The following RNF144B variants were observed in gnomAD, a reference collection of about 807,000 sequenced individuals.
RNF144B encodes ring finger protein 144B.
Under a neutral mutation model 40.2 loss-of-function variants are expected in RNF144B, and 25 were observed. That is an observed-to-expected ratio of 0.62 (90% CI 0.45 to 0.87). RNF144B has a LOEUF of 0.87. Ranked by LOEUF, RNF144B falls within the 40% of genes least tolerant of loss-of-function variation. RNF144B has a pLI of 0.00. For missense variants in RNF144B, 365 were observed against 373.7 expected (o/e 0.98, Z 0.19); for synonymous variants, 145 against 136.3 (o/e 1.06, Z -0.44).
chr6:18,415,154 T>C (rs116250239), intron 2 of RNF144B, among the ~76,000 whole-genome samples: 1 of 152,338 alleles, frequency 6.6e-6, no homozygotes, highest in East Asian at 1.9e-4. Flanking sequence ...TTTAAAAATA[T>C]ATTTTCTGTC....
intron 3 of RNF144B, among the ~76,000 whole-genome samples, chr6:18,431,515 A>T (rs374428879): frequency 6.6e-6 from 1 of 152,200 alleles, no homozygotes; most frequent in South Asian, 2.1e-4. Flanking sequence ...TAATCTATAT[A>T]TTACTGAGTA....
chr6:18,463,099 A>T (rs576955195), intron 6 of RNF144B, among the ~76,000 whole-genome samples, 192 bp from the exon 7 acceptor site: 2 of 151,944 alleles, frequency 1.3e-5, no homozygotes, highest in South Asian at 4.2e-4. Context: ...ATTCGTATTG[A>T]TTATGATCTG....
At position 18,457,427 on chromosome 6, in the gene RNF144B, G is replaced by A; in HGVS notation, c.536+68G>A. 8.5e-7 allele frequency: 1 copy of A among 1,174,374 alleles called. No individual in the cohort carries two copies. The allele number at this position is 1,174,374 out of a possible 1,614,324, so 72.7% of individuals were successfully genotyped here. A position where few individuals can be genotyped will look rare whatever the true frequency, so the allele number is the denominator to read the frequency against. Reference sequence around the variant, plus strand: ...CTTAGAAATTCAACATACCTTACGTGTAGAAGGAGTTACGTTGTGATGGCG... The same window carrying A: ...CTTAGAAATTCAACATACCTTACGTATAGAAGGAGTTACGTTGTGATGGCG... On this transcript the variant is annotated intron_variant, in intron 5 of 7. Transcript: ENST00000259939. This position sits in a 1 kb window ranked among gnomAD's most constrained non-coding sequence, Gnocchi z 5.1.
intron 4 of RNF144B, among the ~76,000 whole-genome samples, chr6:18,451,557 T>C (rs975313236): frequency 2.6e-5 from 4 of 152,170 alleles, no homozygotes; most frequent in African/African-American, 7.2e-5. Context: ...GCCTGACACA[T>C]AGAAGACAGA....
At chr6:18,454,388 C>T (rs1405020540) in intron 4 of RNF144B, among the ~76,000 whole-genome samples, 2 of 152,178 alleles carry the variant, frequency 1.3e-5, no homozygotes, top group Non-Finnish European at 2.9e-5. Flanking sequence ...AGACGCTCTA[C>T]AGAGTTGGCT....
rs1033658693 is a variant in RNF144B, at chr6:18,412,488, A to G, written c.165+12789A>G. Among the ~76,000 whole-genome samples the G allele has an allele frequency of 6.6e-6, 1 of 152,202 alleles. No homozygotes were observed. The highest frequency in any genetic ancestry group is 1.5e-5 in the Non-Finnish European group (1 of 68,034). On this transcript the variant is annotated intron_variant, in intron 2 of 7. Coordinates refer to ENST00000259939, the MANE Select transcript of RNF144B (RefSeq NM_182757.4). This position sits in a 1 kb window ranked among gnomAD's most constrained non-coding sequence, Gnocchi z 4.2. ...AAAAATGGGCCATATCTAGAAAAGT[A>G]TATTACACATAGAAGACATGAATGA... is the stretch of plus-strand genomic sequence containing the variant.
rs560087642 is a variant in RNF144B, at chr6:18,425,482, G to A, written c.166-2099G>A. Among the ~76,000 whole-genome samples, 13 of 152,222 alleles carry A rather than the reference G, an allele frequency of 8.5e-5. No individual in the cohort carries two copies. Among genetic ancestry groups the A allele is most frequent in the African/African-American group, 2.9e-4 (12 of 41,550 alleles). On this transcript the variant is annotated intron_variant, in intron 2 of 7. Transcript: ENST00000259939. This position sits in a 1 kb window ranked among gnomAD's most constrained non-coding sequence, Gnocchi z 4.2. Reference sequence around the variant, plus strand: ...TGAGCCGCCTTGACTGTTCCCCTGGGTGTTCGCCTGCCCATTGACATTCTT... The same window carrying A: ...TGAGCCGCCTTGACTGTTCCCCTGGATGTTCGCCTGCCCATTGACATTCTT...
chr6:18,463,202 T>C, intron 6 of RNF144B, 89 bp from the exon 7 acceptor site: 1 of 799,950 alleles, frequency 1.3e-6, no homozygotes. Context: ...AGAAAAACTT[T>C]GCCTTCCATT....
chr6:18,401,241 T>C (rs1039925133), intron 2 of RNF144B, among the ~76,000 whole-genome samples: 3 of 152,230 alleles, frequency 2.0e-5, no homozygotes, highest in Admixed American at 2.0e-4. Context: ...TTTCATCTTC[T>C]CAGGGAGCTA....
At chr6:18,445,609 G>A (rs888065279) in intron 4 of RNF144B, among the ~76,000 whole-genome samples, 1 of 152,110 alleles carries the variant, frequency 6.6e-6, no homozygotes, top group African/African-American at 2.4e-5. Flanking sequence ...ATGTAAATAT[G>A]TCAGAGTTAA....
intron 3 of RNF144B, among the ~76,000 whole-genome samples, chr6:18,429,183 G>A (rs1234168403): frequency 1.3e-5 from 2 of 152,096 alleles, no homozygotes; most frequent in African/African-American, 2.4e-5. Context: ...GGGCAATAGA[G>A]TGAGATTTCA....
chr6:18,423,206 G>A (rs1003856617), intron 2 of RNF144B, among the ~76,000 whole-genome samples: 7 of 152,146 alleles, frequency 4.6e-5, no homozygotes, highest in Non-Finnish European at 1.0e-4. Context: ...GCTTAGACAG[G>A]TGATATTGTC....
Position 18,464,137 on chromosome 6 carries a change from G to C in RNF144B, c.771+757G>C, listed in dbSNP as rs1009848608. ...CTTAGATCCCTGTGTACATGCCATT[G>C]TGTGTTTATGTGGCAGGTTCAAAAG... is the stretch of plus-strand genomic sequence containing the variant. On this transcript the variant is annotated intron_variant, in intron 7 of 7. Transcript: ENST00000259939. The surrounding 1 kb of genome is among the most constrained non-coding windows in gnomAD (Gnocchi z 6.1). Among the ~76,000 whole-genome samples, 4 of 152,160 alleles carry C rather than the reference G, an allele frequency of 2.6e-5. No homozygotes were observed. Among genetic ancestry groups the C allele is most frequent in the East Asian group, 1.9e-4 (1 of 5,198 alleles).
rs958923185 is a variant in RNF144B at position 18,398,204 on chromosome 6, T to C, written c.-36-1295T>C. ...CTTCTTTTTGTCTCTCAGAATTGACTACTCTAGGTACCTCATTTAAGTGGA... is the reference window on the plus strand; with the variant it reads ...CTTCTTTTTGTCTCTCAGAATTGACCACTCTAGGTACCTCATTTAAGTGGA... On this transcript the variant is annotated intron_variant, in intron 1 of 7. Coordinates refer to ENST00000259939, the MANE Select transcript of RNF144B (RefSeq NM_182757.4). This position sits in a 1 kb window ranked among gnomAD's most constrained non-coding sequence, Gnocchi z 5.0. 6.6e-6 allele frequency among the ~76,000 whole-genome samples: 1 copy of C among 152,184 alleles called. No homozygotes were observed. Among genetic ancestry groups the C allele is most frequent in the East Asian group, 1.9e-4 (1 of 5,190 alleles).
At chr6:18,407,978 C>CTT (rs869172320) in intron 2 of RNF144B, among the ~76,000 whole-genome samples, 1 of 82,966 alleles carries the variant, frequency 1.2e-5, no homozygotes, top group South Asian at 3.7e-4. Flanking sequence ...TTCTTTCTTT[C>CTT]TTTTTCTTTT....
At chr6:18,417,558 A>G (rs1449510987) in intron 2 of RNF144B, among the ~76,000 whole-genome samples, 2 of 152,212 alleles carry the variant, frequency 1.3e-5, no homozygotes, top group Admixed American at 1.3e-4. Context: ...GATCTTCCTC[A>G]TACCACAGAC....
rs1195408568 is a variant in RNF144B, at chr6:18,457,440, C to T, written c.536+81C>T. 2.9e-5 allele frequency: 31 copies of T among 1,056,252 alleles called. No individual in the cohort carries two copies. Among genetic ancestry groups the T allele is most frequent in the Middle Eastern group, 2.0e-4 (1 of 4,984 alleles). The allele number at this position is 1,056,252 out of a possible 1,614,324, so 65.4% of individuals were successfully genotyped here. A position where few individuals can be genotyped will look rare whatever the true frequency, so the allele number is the denominator to read the frequency against. On this transcript the variant is annotated intron_variant, in intron 5 of 7. Coordinates refer to ENST00000259939, the MANE Select transcript of RNF144B (RefSeq NM_182757.4). The surrounding 1 kb of genome is among the most constrained non-coding windows in gnomAD (Gnocchi z 5.1). ...CATACCTTACGTGTAGAAGGAGTTA[C>T]GTTGTGATGGCGTTTAGAGATTGGT...
In RNF144B at chr6:18,405,942, C is replaced by T; in HGVS notation, c.165+6243C>T. ...ATCATAGTCCTAGAATTGTAAGTGA[C>T]CTTAGATCTTCTAGTTCCCCCACCC... On this transcript the variant is annotated intron_variant, in intron 2 of 7. Transcript: ENST00000259939. The surrounding 1 kb of genome is among the most constrained non-coding windows in gnomAD (Gnocchi z 4.5). 2 of 476,072 alleles carry T rather than the reference C, an allele frequency of 4.2e-6. No individual in the cohort carries two copies. The highest frequency in any genetic ancestry group is 3.2e-5 in the South Asian group (2 of 63,294). The allele number at this position is 476,072 out of a possible 1,614,324, so 29.5% of individuals were successfully genotyped here.
At position 18,398,906 on chromosome 6, in the gene RNF144B, G is replaced by C. The variant is rs1794741459; in HGVS notation, c.-36-593G>C. On this transcript the variant is annotated intron_variant, in intron 1 of 7. Coordinates refer to ENST00000259939, the MANE Select transcript of RNF144B (RefSeq NM_182757.4). This position sits in a 1 kb window ranked among gnomAD's most constrained non-coding sequence, Gnocchi z 5.0. ...ACTTTTTGAGTCTGTTGAATTGATT[G>C]TAGTGATGCAACTCCTAAATATGTT... is the stretch of plus-strand genomic sequence containing the variant. Among the ~76,000 whole-genome samples, 1 of 152,146 alleles carries C rather than the reference G, an allele frequency of 6.6e-6. No individual in the cohort carries two copies. Among genetic ancestry groups the C allele is most frequent in the Admixed American group, 6.5e-5 (1 of 15,278 alleles).
Sources: gnomAD v4.1 joint callset for allele counts (sites outside exome capture counted in the v4.1 genomes callset) on GRCh38, gnomAD v4.1.1 for gene constraint, Gnocchi (gnomAD v3.1) non-coding constraint, MANE v1.5 for transcripts, NCBI Gene and HGNC (gene_info 2026-07-23, HGNC 2026-07-21) for gene names.